Variants in FILIP1 observed in about 807,000 individuals in gnomAD.
The protein encoded by FILIP1 is filamin-A-interacting protein 1.
FILIP1 carries 61 observed loss-of-function variants against 102.1 expected under a neutral mutation model. The observed-to-expected ratio is 0.60, with a 90% confidence interval of 0.49 to 0.74. FILIP1 has a LOEUF of 0.74. Among genes scored for constraint, FILIP1 ranks in the 30% least tolerant of loss-of-function variants. The pLI is 0.00. For synonymous variants in FILIP1, 491 were observed against 526.9 expected (o/e 0.93, Z 0.93); for missense variants, 1,314 against 1,441.2 (o/e 0.91, Z 1.43).
chr6:75,373,939 G>A (rs2149631055), intron 2 of FILIP1, among the ~76,000 whole-genome samples: 1 of 152,158 alleles, frequency 6.6e-6, no homozygotes, highest in Admixed American at 6.5e-5. Context: ...AGTCCAGGAG[G>A]TAGAACACAT....
intron 4 of FILIP1, among the ~76,000 whole-genome samples, chr6:75,332,955 T>C (rs963100785): frequency 2.6e-5 from 4 of 152,212 alleles, no homozygotes; most frequent in African/African-American, 9.6e-5. Context: ...GCTTATACAG[T>C]ATGGGAGCTC....
chr6:75,432,336 T>C (rs1263680966), intron 1 of FILIP1, among the ~76,000 whole-genome samples: 1 of 152,230 alleles, frequency 6.6e-6, no homozygotes, highest in Admixed American at 6.5e-5. Context: ...TACTTTATTG[T>C]TTCATTGTTA....
At chr6:75,437,898 T>G (rs779053022) in intron 1 of FILIP1, among the ~76,000 whole-genome samples, 2 of 152,242 alleles carry the variant, frequency 1.3e-5, no homozygotes, top group African/African-American at 2.4e-5. Flanking sequence ...AATCATTAAC[T>G]GTTGCATTTT....
At chr6:75,309,792 CA>C (rs966377578) in intron 5 of FILIP1, among the ~76,000 whole-genome samples, 1 of 152,202 alleles carries the variant, frequency 6.6e-6, no homozygotes, top group Non-Finnish European at 1.5e-5. Flanking sequence ...CTCAATTTGT[CA>C]TGAAATCGTT....
At chr6:75,464,619 C>T (rs1779112931) in intron 1 of FILIP1, among the ~76,000 whole-genome samples, 2 of 152,198 alleles carry the variant, frequency 1.3e-5, no homozygotes, top group Admixed American at 1.3e-4. Context: ...GACTTTGGTT[C>T]ATTAACAAAG....
intron 1 of FILIP1, among the ~76,000 whole-genome samples, chr6:75,485,016 T>C (rs1430236810): frequency 6.6e-6 from 1 of 152,166 alleles, no homozygotes; most frequent in Non-Finnish European, 1.5e-5. Flanking sequence ...CCAGTCAAAC[T>C]CTTTGTCTCC....
chr6:75,312,749 TG>T lies in FILIP1; in HGVS notation c.3082del (p.Gln1028ArgfsTer33). 1 of 1,614,218 alleles carries T rather than the reference TG, an allele frequency of 6.2e-7. No homozygotes were observed. The highest frequency in any genetic ancestry group is 8.5e-7 in the Non-Finnish European group (1 of 1,180,044). ...PAEIAVSPES[Q>X]EMPMGRTILK... ...GATTGTCCGTCCCATGGGCATTTCC[TG>T]GGATTCGGGAGAAACTGCAATCTCA... On this transcript the variant is annotated frameshift_variant, in exon 5 of 6. Coordinates refer to ENST00000237172, the MANE Select transcript of FILIP1 (RefSeq NM_015687.5). LOFTEE classifies it high-confidence loss of function.
Position 75,312,876 on chromosome 6 carries a change from A to G in FILIP1, c.2956T>C (p.Phe986Leu). ...RAMSPVTITTFSREKTPESGR... is the reference protein window; with the variant it reads ...RAMSPVTITTLSREKTPESGR... Reference sequence around the variant, plus strand: ...CTTTCTGGAGTCTTCTCTCTGGAAAATGTAGTAATTGTGACTGGGGACATG... The same window carrying G: ...CTTTCTGGAGTCTTCTCTCTGGAAAGTGTAGTAATTGTGACTGGGGACATG... Residue 986 changes from phenylalanine to leucine, a missense_variant, in exon 5 of 6, where the codon TTT (phenylalanine) becomes CTT (leucine). By Grantham distance (22) the Phe-to-Leu change is conservative. Coordinates refer to ENST00000237172, the MANE Select transcript of FILIP1 (RefSeq NM_015687.5). 6.2e-7 allele frequency: 1 copy of G among 1,614,190 alleles called. No homozygotes were observed. Among genetic ancestry groups the G allele is most frequent in the Admixed American group, 1.7e-5 (1 of 60,018 alleles).
At chr6:75,440,456 C>A (rs1778173878) in intron 1 of FILIP1, among the ~76,000 whole-genome samples, 2 of 152,142 alleles carry the variant, frequency 1.3e-5, no homozygotes, top group South Asian at 4.1e-4. Flanking sequence ...TTATCGAAGA[C>A]ATTAAACAAC....
Position 75,435,204 on chromosome 6 carries a change from ATGGAGAGTGAATTTTTAAT to A in FILIP1, c.-6-20245_-6-20227del, listed in dbSNP as rs560048262. On this transcript the variant is annotated intron_variant, in intron 1 of 5. Coordinates refer to ENST00000237172, the MANE Select transcript of FILIP1 (RefSeq NM_015687.5). Reference sequence around the variant, plus strand: ...ATCACGATAATGCTGGCCTCATAAAATGGAGAGTGAATTTTTAATGTAGCCTTTTAAAAAATCGAAAAAG... The same window carrying A: ...ATCACGATAATGCTGGCCTCATAAAAGTAGCCTTTTAAAAAATCGAAAAAG... Among the ~76,000 whole-genome samples, 514 of 152,342 alleles carry A rather than the reference ATGGAGAGTGAATTTTTAAT, an allele frequency of 3.4e-3. 7 individuals carry two copies. The highest frequency in any genetic ancestry group is 0.012 in the African/African-American group (495 of 41,578).
intron 2 of FILIP1, among the ~76,000 whole-genome samples, chr6:75,410,916 G>T (rs1777045480): frequency 6.6e-6 from 1 of 152,126 alleles, no homozygotes; most frequent in Admixed American, 6.6e-5. Flanking sequence ...AATGATTTAT[G>T]ATCCTTTGGG....
intron 1 of FILIP1, among the ~76,000 whole-genome samples, chr6:75,492,595 C>T (rs190254922): frequency 1.4e-4 from 22 of 152,208 alleles, no homozygotes; most frequent in African/African-American, 5.3e-4. Context: ...TGCATGGCAA[C>T]TCATGGAAGG....
intron 4 of FILIP1, among the ~76,000 whole-genome samples, chr6:75,316,227 T>C (rs1255790489): frequency 6.6e-6 from 1 of 152,224 alleles, no homozygotes; most frequent in East Asian, 1.9e-4. Context: ...TAATAGTTTT[T>C]TTATTTACCC....
chr6:75,376,646 T>C (rs912750083), intron 2 of FILIP1, among the ~76,000 whole-genome samples: 2 of 152,202 alleles, frequency 1.3e-5, no homozygotes, highest in African/African-American at 2.4e-5. Flanking sequence ...CCTGATCCAC[T>C]GGGCAACATA....
At chr6:75,327,520 A>AT (rs988711367) in intron 4 of FILIP1, among the ~76,000 whole-genome samples, 3 of 150,002 alleles carry the variant, frequency 2.0e-5, no homozygotes, top group Non-Finnish European at 4.4e-5. Flanking sequence ...GTATTTTAAG[A>AT]TTTTTTTGTG....
At chr6:75,385,702 C>T (rs1776070182) in intron 2 of FILIP1, 2 of 152,104 alleles carry the variant, frequency 1.3e-5, no homozygotes, top group Non-Finnish European at 2.9e-5. Context: ...TGATAATCTT[C>T]TTGAGGGAAG....
intron 4 of FILIP1, among the ~76,000 whole-genome samples, chr6:75,328,523 T>A (rs537715451): frequency 9.9e-5 from 15 of 152,224 alleles, no homozygotes; most frequent in Admixed American, 2.0e-4. Context: ...AGATGGAGTC[T>A]CACTCTGTCA....
At chr6:75,358,322 AG>A (rs1775069037) in intron 3 of FILIP1, 2 of 152,372 alleles carry the variant, frequency 1.3e-5, no homozygotes, top group South Asian at 4.1e-4. Flanking sequence ...ATTTACACAA[AG>A]GAGAAATGGA....
chr6:75,430,130 T>C (rs1359616500), intron 1 of FILIP1, among the ~76,000 whole-genome samples: 3 of 152,148 alleles, frequency 2.0e-5, no homozygotes, highest in African/African-American at 7.2e-5. Context: ...TCTCACAAGA[T>C]CTGATGGTTT....
Sources: gnomAD v4.1 joint callset for allele counts (sites outside exome capture counted in the v4.1 genomes callset) on GRCh38, gnomAD v4.1.1 for gene constraint, MANE v1.5 for transcripts, NCBI Gene and HGNC (gene_info 2026-07-23, HGNC 2026-07-21) for gene names.